MATCAP2: variants seen among roughly 807,000 people sequenced by gnomAD.
MATCAP2 encodes putative tyrosine carboxypeptidase MATCAP2.
chr7:36,326,920 T>A, the MATCAP2 span: 2 of 1,593,124 alleles, frequency 1.3e-6, no homozygotes, highest in Admixed American at 1.9e-5. Context: ...ATAAGAAACC[T>A]GAAAAAAAGG....
At chr7:36,390,333 TC>T in the MATCAP2 span, 2 of 485,858 alleles carry the variant, frequency 4.1e-6, no homozygotes. Flanking sequence ...ACCATGTCCC[TC>T]TGCAGTCCTG....
chr7:36,360,234 T>C, the MATCAP2 span, among the ~76,000 whole-genome samples: 1 of 152,194 alleles, frequency 6.6e-6, no homozygotes, highest in Non-Finnish European at 1.5e-5. Flanking sequence ...GCTGAGTTTT[T>C]TGTCGTAAAG....
At chr7:36,347,826 G>T in the MATCAP2 span, among the ~76,000 whole-genome samples, 1 of 152,006 alleles carries the variant, frequency 6.6e-6, no homozygotes, top group African/African-American at 2.4e-5. Context: ...CTCCTTTTCA[G>T]AAAATTCTAG....
At chr7:36,336,129 C>T in the MATCAP2 span, 17 of 1,477,100 alleles carry the variant, frequency 1.2e-5, no homozygotes, top group South Asian at 4.0e-5. Flanking sequence ...GACAGTAATT[C>T]CTTGTGTTCA....
chr7:36,334,620 T>G, the MATCAP2 span, among the ~76,000 whole-genome samples: 1 of 151,112 alleles, frequency 6.6e-6, no homozygotes, highest in Non-Finnish European at 1.5e-5. Context: ...GAAAATGACC[T>G]GATCCTAACA....
chr7:36,344,150 T>C, the MATCAP2 span, among the ~76,000 whole-genome samples: 1 of 152,144 alleles, frequency 6.6e-6, no homozygotes, highest in African/African-American at 2.4e-5. Context: ...AGAAACACTC[T>C]CCTCTGAACA....
chr7:36,336,888 A>G, the MATCAP2 span, among the ~76,000 whole-genome samples: 1 of 151,784 alleles, frequency 6.6e-6, no homozygotes, highest in Non-Finnish European at 1.5e-5. Context: ...TGAGGCCAGG[A>G]GCTCAAGACC....
the MATCAP2 span, among the ~76,000 whole-genome samples, chr7:36,361,121 G>A: frequency 1.3e-5 from 2 of 152,206 alleles, no homozygotes; most frequent in Non-Finnish European, 2.9e-5. Flanking sequence ...ATATACTGAA[G>A]TTATCAACAC....
At chr7:36,326,896 C>A in the MATCAP2 span, 2 of 1,608,902 alleles carry the variant, frequency 1.2e-6, no homozygotes, top group Non-Finnish European at 1.7e-6. Context: ...TCCTTTTAAG[C>A]GATCCACATC....
the MATCAP2 span, chr7:36,366,970 C>T: frequency 3.7e-6 from 5 of 1,343,312 alleles, no homozygotes; most frequent in Non-Finnish European, 4.7e-6. Flanking sequence ...GCGGCGGGCT[C>T]CGCGGGCTCA....
At chr7:36,343,671 A>AAAGG in the MATCAP2 span, among the ~76,000 whole-genome samples, 1 of 150,200 alleles carries the variant, frequency 6.7e-6, no homozygotes, top group East Asian at 2.0e-4. Context: ...GAAAGAAAGT[A>AAAGG]AAGGAAGGAA....
At chr7:36,340,942 G>C in the MATCAP2 span, among the ~76,000 whole-genome samples, 3 of 152,170 alleles carry the variant, frequency 2.0e-5, no homozygotes, top group African/African-American at 7.2e-5. Flanking sequence ...AAAGGCACAG[G>C]GAAGCTTGGA....
At chr7:36,379,847 C>CACACAGAGAGAGAGAGAGAGAGAG in the MATCAP2 span, among the ~76,000 whole-genome samples, 77 of 107,652 alleles carry the variant, frequency 7.2e-4, no homozygotes, top group East Asian at 9.1e-3. Flanking sequence ...CACACACACA[C>CACACAGAGAGAGAGAGAGAGAGAG]AGAGAGAGAG....
chr7:36,338,367 G>A, the MATCAP2 span, among the ~76,000 whole-genome samples: 1 of 151,756 alleles, frequency 6.6e-6, no homozygotes, highest in Non-Finnish European at 1.5e-5. Context: ...GCGCGATCAT[G>A]GCTCACTGTA....
At chr7:36,366,007 C>G in the MATCAP2 span, among the ~76,000 whole-genome samples, 100 of 152,236 alleles carry the variant, frequency 6.6e-4, no homozygotes, top group East Asian at 8.5e-3. Context: ...AAATTAAAAT[C>G]ATAAATATTT....
the MATCAP2 span, among the ~76,000 whole-genome samples, chr7:36,330,426 A>G: frequency 2.6e-5 from 4 of 152,050 alleles, no homozygotes. Context: ...ATGAAAAAAA[A>G]CAGAAAGAAT....
At chr7:36,335,274 T>C in the MATCAP2 span, 1 of 1,137,078 alleles carries the variant, frequency 8.8e-7, no homozygotes, top group Non-Finnish European at 1.3e-6. Context: ...AAATTAACAC[T>C]GTTTTTTGTT....
chr7:36,374,065 C>T, the MATCAP2 span, among the ~76,000 whole-genome samples: 1 of 152,078 alleles, frequency 6.6e-6, no homozygotes, highest in Non-Finnish European at 1.5e-5. Flanking sequence ...AGCCACCATG[C>T]CTGGCCATTT....
At chr7:36,326,556 A>T in the MATCAP2 span, 13 of 383,340 alleles carry the variant, frequency 3.4e-5, no homozygotes, top group Non-Finnish European at 6.0e-5. Context: ...AATAGGAATA[A>T]CTTCCCCCTG....
Sources: gnomAD v4.1 joint callset for allele counts (sites outside exome capture counted in the v4.1 genomes callset) on GRCh38, gnomAD v4.1.1 for gene constraint, MANE v1.5 for transcripts, NCBI Gene and HGNC (gene_info 2026-07-23, HGNC 2026-07-21) for gene names.